AGBL4: variants seen among roughly 807,000 people sequenced by gnomAD.
AGBL4 encodes the protein cytosolic carboxypeptidase 6.
A neutral mutation model predicts 66.4 loss-of-function variants in AGBL4; 58 were observed. That is an observed-to-expected ratio of 0.87 (90% CI 0.71 to 1.09). AGBL4 has a LOEUF of 1.09. Among genes scored for constraint, AGBL4 ranks in the 50% least tolerant of loss-of-function variants. The pLI is 0.00. For missense variants in AGBL4, 579 were observed against 631.0 expected (o/e 0.92, Z 0.88); for synonymous variants, 234 against 222.9 (o/e 1.05, Z -0.44).
intron 5 of AGBL4, among the ~76,000 whole-genome samples, chr1:48,873,455 C>T (rs1337106145): frequency 6.6e-6 from 1 of 152,062 alleles, no homozygotes; most frequent in African/African-American, 2.4e-5. Flanking sequence ...CCCTGTCCTT[C>T]CCCATCAGAG....
intron 5 of AGBL4, among the ~76,000 whole-genome samples, chr1:49,043,020 T>C (rs1227761427): frequency 6.6e-6 from 1 of 152,120 alleles, no homozygotes; most frequent in Non-Finnish European, 1.5e-5. Context: ...AGATCCTGCC[T>C]TAAATGTTAT....
chr1:48,634,535 C>A lies in AGBL4; in HGVS notation c.909G>T (p.Leu303=). ...GGACGATGAGTTGTTTCACTCCATG[C>A]AGGGTAGGATGGACCCATGGAGAGG... ...LDPSPWVHPT[L]HGVKQLIVQM... is the part of the protein sequence containing the mutation. The change falls in exon 9 of 14, where the codon CTG becomes CTT. Residue 303 remains leucine, a synonymous_variant. Transcript: ENST00000371839. The A allele has an allele frequency of 6.2e-7, 1 of 1,606,498 alleles. No individual in the cohort carries two copies. The highest frequency in any genetic ancestry group is 2.2e-5 in the East Asian group (1 of 44,608).
chr1:49,396,176 A>C (rs1644970515), intron 3 of AGBL4, among the ~76,000 whole-genome samples: 1 of 151,984 alleles, frequency 6.6e-6, no homozygotes, highest in Non-Finnish European at 1.5e-5. Flanking sequence ...TACTGAAAGA[A>C]GGTAAGAGAG....
chr1:48,555,873 C>G (rs147653066), intron 11 of AGBL4, among the ~76,000 whole-genome samples: 3 of 152,214 alleles, frequency 2.0e-5, no homozygotes, highest in African/African-American at 7.2e-5. Context: ...GGTGACTGGA[C>G]TAGGAAAAGC....
intron 5 of AGBL4, among the ~76,000 whole-genome samples, chr1:48,975,719 A>G (rs1289989067): frequency 6.6e-6 from 1 of 152,150 alleles, no homozygotes; most frequent in African/African-American, 2.4e-5. Context: ...ATGAAGATAC[A>G]AGTAAGTTGC....
intron 2 of AGBL4, among the ~76,000 whole-genome samples, chr1:49,768,085 T>C (rs995282551): frequency 2.0e-5 from 3 of 152,116 alleles, no homozygotes; most frequent in African/African-American, 7.2e-5. Context: ...AGCCGAATTT[T>C]ACCAGATGTC....
At chr1:49,512,665 T>G (rs1189297761) in intron 3 of AGBL4, among the ~76,000 whole-genome samples, 4 of 151,952 alleles carry the variant, frequency 2.6e-5, no homozygotes, top group Non-Finnish European at 1.5e-5. Context: ...ATGCTTCTTG[T>G]ACAGCCTGCA....
chr1:49,171,755 C>T (rs1347289003), intron 4 of AGBL4, among the ~76,000 whole-genome samples: 2 of 152,282 alleles, frequency 1.3e-5, no homozygotes, highest in Admixed American at 6.5e-5. Flanking sequence ...GGGAGACACT[C>T]ACTTTTTCCT....
intron 1 of AGBL4, among the ~76,000 whole-genome samples, chr1:49,955,648 C>A (rs375510673): frequency 5.1e-4 from 78 of 151,992 alleles, no homozygotes; most frequent in African/African-American, 1.8e-3. Context: ...GGGTAGAGCT[C>A]CATTTCTTAA....
At chr1:49,811,070 G>A (rs1210542238) in intron 2 of AGBL4, among the ~76,000 whole-genome samples, 1 of 152,090 alleles carries the variant, frequency 6.6e-6, no homozygotes, top group East Asian at 1.9e-4. Context: ...TCAAGGTCTG[G>A]GACCTAGATA....
intron 3 of AGBL4, among the ~76,000 whole-genome samples, chr1:49,317,994 T>C (rs1350479990): frequency 1.3e-5 from 2 of 152,080 alleles, no homozygotes; most frequent in African/African-American, 2.4e-5. Flanking sequence ...TTCTCTTGAA[T>C]TTCCATAGCT....
chr1:48,866,250 G>C (rs1182954598), intron 6 of AGBL4, among the ~76,000 whole-genome samples: 1 of 152,136 alleles, frequency 6.6e-6, no homozygotes, highest in African/African-American at 2.4e-5. Flanking sequence ...GGAGGGAAGG[G>C]CTGACAGAGT....
intron 3 of AGBL4, among the ~76,000 whole-genome samples, chr1:49,575,059 A>G (rs1047235503): frequency 2.8e-4 from 42 of 152,094 alleles, no homozygotes; most frequent in Non-Finnish European, 2.6e-4. Flanking sequence ...TATGCAGTGA[A>G]TCTTTCTCCC....
At chr1:49,219,772 T>G in intron 4 of AGBL4, among the ~76,000 whole-genome samples, 1 of 152,142 alleles carries the variant, frequency 6.6e-6, no homozygotes, top group Admixed American at 6.6e-5. Context: ...GCAGAAAAGT[T>G]TCGTTGTCAA....
At chr1:49,259,508 T>C (rs1239744591) in intron 3 of AGBL4, among the ~76,000 whole-genome samples, 2 of 149,760 alleles carry the variant, frequency 1.3e-5, no homozygotes, top group Non-Finnish European at 3.0e-5. Flanking sequence ...GTTGCAATCC[T>C]AGTCTCTGAT....
chr1:48,888,531 C>G (rs1437311661), intron 5 of AGBL4, among the ~76,000 whole-genome samples: 1 of 152,146 alleles, frequency 6.6e-6, no homozygotes, highest in Admixed American at 6.5e-5. Context: ...GCTTCTTAAC[C>G]TGACATCCAA....
At chr1:48,977,513 T>A (rs945778909) in intron 5 of AGBL4, among the ~76,000 whole-genome samples, 2 of 151,990 alleles carry the variant, frequency 1.3e-5, no homozygotes, top group Non-Finnish European at 2.9e-5. Context: ...AGGGTGGAAA[T>A]GAGATTGGCT....
Position 48,942,390 on chromosome 1 carries a change from T to C in AGBL4, c.595-75160A>G, listed in dbSNP as rs987981664. On this transcript the variant is annotated intron_variant, in intron 5 of 13. Coordinates refer to ENST00000371839, the MANE Select transcript of AGBL4 (RefSeq NM_032785.4). ...TTTGAGTTCTAAATTAATAGCTCCC[T>C]AGCTGAGTGACCCTGGGCCCATGAC... is the stretch of plus-strand genomic sequence containing the variant. Among the ~76,000 whole-genome samples the C allele has an allele frequency of 3.9e-5, 6 of 152,062 alleles. No individual in the cohort carries two copies. The East Asian group carries it at 7.7e-4, about 20-fold the overall frequency.
intron 1 of AGBL4, among the ~76,000 whole-genome samples, chr1:49,885,016 C>T (rs1164522961): frequency 2.0e-5 from 3 of 151,692 alleles, no homozygotes; most frequent in South Asian, 2.1e-4. Context: ...GAAAAAAGCT[C>T]GATTTGTTTC....
Sources: allele counts gnomAD v4.1 joint callset (sites outside exome capture counted in the v4.1 genomes callset), GRCh38; gene constraint gnomAD v4.1.1; transcripts MANE v1.5; gene names NCBI Gene and HGNC (gene_info 2026-07-23, HGNC 2026-07-21).